GP6: variants seen among roughly 807,000 people sequenced by gnomAD.
GP6 encodes glycoprotein VI platelet.
Under a neutral mutation model 37.3 loss-of-function variants are expected in GP6, and 45 were observed. The ratio of observed to expected loss-of-function variants is 1.21; its 90% CI spans 0.95 to 1.55. GP6 has a LOEUF of 1.55. Ranked by LOEUF, GP6 falls within the 40% of genes most tolerant of loss-of-function variation. The pLI, the probability that GP6 is intolerant of heterozygous loss-of-function variation, is 0.00. For synonymous variants in GP6, 340 were observed against 316.4 expected (o/e 1.07, Z -0.79); for missense variants, 813 against 760.2 (o/e 1.07, Z -0.82).
intron 5 of GP6, among the ~76,000 whole-genome samples, chr19:55,024,259 C>T (rs2074188001): frequency 1.3e-5 from 2 of 150,434 alleles, no homozygotes; most frequent in South Asian, 2.1e-4. Context: ...GAAGCACACG[C>T]ACACATATGC....
intron 3 of GP6, among the ~76,000 whole-genome samples, chr19:55,030,656 T>TAA (rs200492513): frequency 6.8e-6 from 1 of 146,914 alleles, no homozygotes; most frequent in African/African-American, 2.5e-5. Context: ...CCTCTTCTCT[T>TAA]AAAAAAAATA....
chr19:55,020,371 C>T (rs1487485234), intron 5 of GP6, among the ~76,000 whole-genome samples: 1 of 152,050 alleles, frequency 6.6e-6, no homozygotes, highest in Non-Finnish European at 1.5e-5. Context: ...TCCTCTCCCT[C>T]CCCCAATTCC....
At chr19:55,031,748 A>G (rs778448185) in intron 3 of GP6, among the ~76,000 whole-genome samples, 6 of 151,686 alleles carry the variant, frequency 4.0e-5, no homozygotes, top group African/African-American at 1.2e-4. Context: ...GCGAGACCCT[A>G]TCTCTCTCTC....
intron 1 of GP6, among the ~76,000 whole-genome samples, chr19:55,037,936 A>G (rs899215731): frequency 3.3e-5 from 5 of 152,026 alleles, no homozygotes; most frequent in East Asian, 1.9e-4. Context: ...TTTTTAAAAA[A>G]GGGGCAACTG....
intron 5 of GP6, among the ~76,000 whole-genome samples, chr19:55,023,332 A>G (rs1005212851): frequency 3.9e-5 from 6 of 152,194 alleles, no homozygotes; most frequent in African/African-American, 9.7e-5. Flanking sequence ...CATGTGATAC[A>G]GTTTGAATAT....
intron 5 of GP6, among the ~76,000 whole-genome samples, chr19:55,024,958 T>G (rs2074248754): frequency 6.6e-6 from 1 of 152,160 alleles, no homozygotes; most frequent in South Asian, 2.1e-4. Flanking sequence ...CTCCACAGTA[T>G]AGCAAGCCAC....
chr19:55,015,843 T>G, intron 6 of GP6, 110 bp from the exon 7 acceptor site: 1 of 742,920 alleles, frequency 1.3e-6, no homozygotes, highest in Non-Finnish European at 2.5e-6. Context: ...CCACAGCATT[T>G]AAGAAAAGCA....
At chr19:55,029,867 AGAG>A (rs2074495941) in intron 3 of GP6, among the ~76,000 whole-genome samples, 1 of 151,902 alleles carries the variant, frequency 6.6e-6, no homozygotes, top group African/African-American at 2.4e-5. Context: ...CTAGTAGCAG[AGAG>A]GAGGCCAGTG....
intron 5 of GP6, among the ~76,000 whole-genome samples, chr19:55,024,437 AC>A (rs1261713775): frequency 6.6e-6 from 1 of 151,574 alleles, no homozygotes; most frequent in East Asian, 1.9e-4. Context: ...TCTGCCCTCA[AC>A]CCCGCAAATC....
chr19:55,024,275 T>TGCACACACACATGCAC (rs1491368530), intron 5 of GP6, among the ~76,000 whole-genome samples: 5 of 30,410 alleles, frequency 1.6e-4, no homozygotes, highest in Non-Finnish European at 3.0e-4. Flanking sequence ...TATGCACGCA[T>TGCACACACACATGCAC]GCACACACAC....
chr19:55,014,552 CAG>C lies in GP6; in HGVS notation c.1391_1392del (p.Ser464CysfsTer59). ...GGAGGATTTTGCACAGAGGATGGAACAGAGTCAACCCTGAGAGCTGGGAACCT... is the reference window on the plus strand; with the variant it reads ...GGAGGATTTTGCACAGAGGATGGAACAGTCAACCCTGAGAGCTGGGAACCT... On this transcript the variant is annotated frameshift_variant, in exon 8 of 8. Coordinates refer to ENST00000310373, the MANE Select transcript of GP6 (RefSeq NM_001083899.2). LOFTEE classifies it low-confidence loss of function (END_TRUNC). 6.2e-7 allele frequency: 1 copy of C among 1,613,478 alleles called. No individual in the cohort carries two copies. Among genetic ancestry groups the C allele is most frequent in the Non-Finnish European group, 8.5e-7 (1 of 1,179,484 alleles).
chr19:55,035,016 C>T (rs2074776128), intron 1 of GP6, among the ~76,000 whole-genome samples: 1 of 152,178 alleles, frequency 6.6e-6, no homozygotes, highest in Non-Finnish European at 1.5e-5. Flanking sequence ...TGTAGGTTTC[C>T]ATGCGACGCT....
chr19:55,025,103 C>A, intron 5 of GP6, 115 bp downstream of exon 5: 1 of 734,860 alleles, frequency 1.4e-6, no homozygotes, highest in Non-Finnish European at 2.5e-6. Flanking sequence ...TAAAACAAAG[C>A]AAATCTGTGA....
At position 55,027,603 on chromosome 19, in the gene GP6, G is replaced by C. The variant is rs768628583; in HGVS notation, c.585C>G (p.Ser195Arg). Residue 195 changes from serine (S) to arginine (R), a missense_variant, in exon 4 of 8, where the codon AGC becomes AGG. Ser to Arg is a moderately radical substitution (Grantham distance 110). Transcript: ENST00000310373. ...CTGTGACCACAAGCTCCAGGGGGTCGCTGGGGGCTGACCACAGGTATGGGT... is the reference window on the plus strand; with the variant it reads ...CTGTGACCACAAGCTCCAGGGGGTCCCTGGGGGCTGACCACAGGTATGGGT... 6 of 1,613,044 alleles carry C rather than the reference G, an allele frequency of 3.7e-6. No homozygotes were observed. The Admixed American group carries it at 1.0e-4, about 27-fold the overall frequency.
intron 3 of GP6, among the ~76,000 whole-genome samples, chr19:55,030,711 C>CT (rs2074531868): frequency 6.6e-6 from 1 of 151,912 alleles, no homozygotes; most frequent in Non-Finnish European, 1.5e-5. Flanking sequence ...AATCAAGAGT[C>CT]TAAGGAGACA....
At chr19:55,031,673 T>A (rs1044423305) in intron 3 of GP6, among the ~76,000 whole-genome samples, 1 of 152,174 alleles carries the variant, frequency 6.6e-6, no homozygotes, top group Admixed American at 6.6e-5. Context: ...TCCCAACACT[T>A]TGGGAAGCCA....
At chr19:55,016,053 A>G (rs1056588400) in intron 6 of GP6, among the ~76,000 whole-genome samples, 1 of 151,876 alleles carries the variant, frequency 6.6e-6, no homozygotes, top group Non-Finnish European at 1.5e-5. Flanking sequence ...AGGCAGGAAG[A>G]TCACCTGAGC....
rs1602595416 is a variant in GP6, at chr19:55,027,925, G to C, written c.326-63C>G. 1.5e-5 allele frequency: 23 copies of C among 1,528,774 alleles called. No individual in the cohort carries two copies. In the East Asian group the frequency reaches 5.2e-4, roughly 34 times the overall value. 94.7% of individuals were successfully genotyped at this position (1,528,774 alleles called of 1,614,324 possible). A position where few individuals can be genotyped will look rare whatever the true frequency, so the allele number is the denominator to read the frequency against. ...CCAGCATCTCAGCTGAGACTGGGGA[G>C]GTCCCCACACCTGCCTAAGAGCTGG... On this transcript the variant is annotated intron_variant, in intron 3 of 7. Coordinates refer to ENST00000310373, the MANE Select transcript of GP6 (RefSeq NM_001083899.2).
intron 5 of GP6, among the ~76,000 whole-genome samples, chr19:55,021,294 G>A (rs1305486388): frequency 2.0e-5 from 3 of 150,444 alleles, no homozygotes; most frequent in African/African-American, 4.9e-5. Flanking sequence ...AACCTGGGAG[G>A]TGGAGGTTGC....
Sources: gnomAD v4.1 joint callset for allele counts (sites outside exome capture counted in the v4.1 genomes callset) on GRCh38, gnomAD v4.1.1 for gene constraint, MANE v1.5 for transcripts, NCBI Gene and HGNC (gene_info 2026-07-23, HGNC 2026-07-21) for gene names.